Variants in RNF43 observed in about 807,000 individuals in gnomAD.
RNF43 encodes E3 ubiquitin-protein ligase RNF43.
A neutral mutation model predicts 78.4 loss-of-function variants in RNF43; 37 were observed. That is an observed-to-expected ratio of 0.47 (90% CI 0.36 to 0.62). The LOEUF is 0.62. Ranked by LOEUF, RNF43 falls within the 20% of genes least tolerant of loss-of-function variation. RNF43 has a pLI of 0.00. For missense variants in RNF43, 774 were observed against 1,007.9 expected, an observed-to-expected ratio of 0.77 and a Z score of 3.14; for synonymous variants, 347 against 395.0, an observed-to-expected ratio of 0.88 and a Z score of 1.44.
intron 2 of RNF43, among the ~76,000 whole-genome samples, chr17:58,379,134 G>T (rs540272120): frequency 6.6e-6 from 1 of 152,154 alleles, no homozygotes; most frequent in Non-Finnish European, 1.5e-5. Context: ...ACTGCCTCCG[G>T]GTATGCACGC....
At chr17:58,401,403 A>G (rs368867177) in intron 2 of RNF43, among the ~76,000 whole-genome samples, 3 of 152,206 alleles carry the variant, frequency 2.0e-5, no homozygotes, top group Non-Finnish European at 2.9e-5. Flanking sequence ...TTCTGTGTAG[A>G]GTTTAGCTAC....
chr17:58,400,598 T>C (rs913576122), intron 2 of RNF43, among the ~76,000 whole-genome samples: 8 of 152,226 alleles, frequency 5.3e-5, no homozygotes, highest in Non-Finnish European at 1.0e-4. Context: ...TCAAAGAGGT[T>C]AAGCAATTTT....
At chr17:58,409,009 T>G (rs1209505894) in intron 2 of RNF43, among the ~76,000 whole-genome samples, 1 of 151,902 alleles carries the variant, frequency 6.6e-6, no homozygotes, top group Non-Finnish European at 1.5e-5. Flanking sequence ...TAAAGAAAAA[T>G]GAAGCAGGAA....
intron 5 of RNF43, chr17:58,363,067 C>G: frequency 1.7e-6 from 1 of 602,088 alleles, no homozygotes; most frequent in Non-Finnish European, 2.9e-6. Context: ...AACTTTAGAA[C>G]TCATCTGTCC....
intron 2 of RNF43, among the ~76,000 whole-genome samples, chr17:58,392,334 A>T (rs1427154569): frequency 6.6e-6 from 1 of 152,248 alleles, no homozygotes; most frequent in East Asian, 1.9e-4. Flanking sequence ...ACTTCATATT[A>T]ATCATGAGAT....
chr17:58,369,248 C>A (rs1442372841), intron 3 of RNF43, among the ~76,000 whole-genome samples: 4 of 152,226 alleles, frequency 2.6e-5, no homozygotes, highest in Non-Finnish European at 5.9e-5. Context: ...AACTCTGCTG[C>A]CATGAAGGCT....
intron 2 of RNF43, among the ~76,000 whole-genome samples, chr17:58,402,235 T>A (rs1973817729): frequency 6.6e-6 from 1 of 152,220 alleles, no homozygotes. Context: ...CTGTCACCAT[T>A]GGAAATACTG....
chr17:58,372,932 G>T (rs1247466450), intron 2 of RNF43, among the ~76,000 whole-genome samples: 1 of 152,324 alleles, frequency 6.6e-6, no homozygotes, highest in South Asian at 2.1e-4. Context: ...TGGCACGAAA[G>T]GGAAGGCAGG....
At chr17:58,364,027 C>T (rs1039174999) in intron 3 of RNF43, among the ~76,000 whole-genome samples, 22 of 152,176 alleles carry the variant, frequency 1.4e-4, no homozygotes, top group Non-Finnish European at 2.5e-4. Flanking sequence ...AAGGGGACAG[C>T]AGAGAAGTAG....
intron 2 of RNF43, among the ~76,000 whole-genome samples, chr17:58,412,921 CAAAT>C (rs1300211151): frequency 6.6e-6 from 1 of 151,412 alleles, no homozygotes; most frequent in Non-Finnish European, 1.5e-5. Flanking sequence ...TCTTTGGAGA[CAAAT>C]AATCTTAACA....
At chr17:58,402,742 T>C (rs1383033213) in intron 2 of RNF43, 5 of 152,222 alleles carry the variant, frequency 3.3e-5, no homozygotes, top group Non-Finnish European at 4.4e-5. Flanking sequence ...CTTAACATGG[T>C]GGTTGTGTCT....
At chr17:58,405,741 A>AGAAAGAAG (rs1491199231) in intron 2 of RNF43, among the ~76,000 whole-genome samples, 1 of 151,936 alleles carries the variant, frequency 6.6e-6, no homozygotes. Context: ...AAAGAAAGAA[A>AGAAAGAAG]GAAAGAAAGA....
At chr17:58,370,060 GTTTTTTTTT>G (rs56372311) in intron 3 of RNF43, among the ~76,000 whole-genome samples, 7 of 96,236 alleles carry the variant, frequency 7.3e-5, no homozygotes, top group Admixed American at 3.2e-4. Flanking sequence ...GAAAATCTGA[GTTTTTTTTT>G]TTTTTTTTTT....
intron 2 of RNF43, among the ~76,000 whole-genome samples, chr17:58,375,765 T>C (rs1973193058): frequency 6.6e-6 from 1 of 152,262 alleles, no homozygotes; most frequent in South Asian, 2.1e-4. Flanking sequence ...TTTTGTTTTT[T>C]GCTGTTGTAG....
At chr17:58,363,235 G>T (rs2143465494) in intron 5 of RNF43, 40 bp downstream of exon 5, 1 of 1,607,426 alleles carries the variant, frequency 6.2e-7, no homozygotes, top group Non-Finnish European at 8.5e-7. Context: ...ACAAAGTAGG[G>T]CTAAGTGCAG....
At chr17:58,385,571 G>C (rs1973413797) in intron 2 of RNF43, among the ~76,000 whole-genome samples, 1 of 152,106 alleles carries the variant, frequency 6.6e-6, no homozygotes, top group South Asian at 2.1e-4. Context: ...AAAGCTCTCT[G>C]TCATTTCAAG....
At chr17:58,361,460 A>G (rs1401763083) in intron 6 of RNF43, among the ~76,000 whole-genome samples, 1 of 152,224 alleles carries the variant, frequency 6.6e-6, no homozygotes, top group Non-Finnish European at 1.5e-5. Flanking sequence ...TCACCATTTT[A>G]ACTGCCGCCT....
intron 9 of RNF43, 86 bp from the exon 10 acceptor site, chr17:58,355,072 G>T (rs956960992): frequency 2.3e-5 from 27 of 1,184,398 alleles, no homozygotes; most frequent in Non-Finnish European, 3.1e-5. Flanking sequence ...GTGTGGCTGA[G>T]AGGGGACCAC....
At chr17:58,362,467 TA>T (rs1455369073) in intron 6 of RNF43, 76 bp downstream of exon 6, 1 of 1,026,908 alleles carries the variant, frequency 9.7e-7, no homozygotes, top group African/African-American at 1.6e-5. Flanking sequence ...CTTCTTCACG[TA>T]CTCCTTCCTT....
Sources: gnomAD v4.1 joint callset for allele counts (sites outside exome capture counted in the v4.1 genomes callset) on GRCh38, gnomAD v4.1.1 for gene constraint, MANE v1.5 for transcripts, NCBI Gene and HGNC (gene_info 2026-07-23, HGNC 2026-07-21) for gene names.